TMEM87B: variants seen among roughly 807,000 people sequenced by gnomAD.
TMEM87B encodes transmembrane protein 87B.
In TMEM87B, 83 loss-of-function variants were observed where a neutral mutation model predicts 80.3. The ratio of observed to expected loss-of-function variants is 1.03; its 90% confidence interval spans 0.87 to 1.24. The LOEUF (loss-of-function observed/expected upper bound fraction) is 1.24. Among genes scored for constraint, TMEM87B ranks in the 50% most tolerant of loss-of-function variants. The pLI is 0.00. For synonymous variants in TMEM87B, 219 were observed against 230.5 expected (o/e 0.95, Z 0.45); for missense variants, 625 against 674.4 (o/e 0.93, Z 0.81).
chr2:112,085,013 A>C (rs1335158090), intron 8 of TMEM87B, among the ~76,000 whole-genome samples: 1 of 152,278 alleles, frequency 6.6e-6, no homozygotes. Flanking sequence ...ACATGCAAAC[A>C]AATGAGCATT....
intron 4 of TMEM87B, 73 bp from the exon 5 acceptor site, chr2:112,074,839 C>T (rs1362092121): frequency 6.4e-6 from 9 of 1,405,596 alleles, no homozygotes; most frequent in East Asian, 5.6e-5. Context: ...AACTTTTTTT[C>T]TTAATTATTA....
intron 9 of TMEM87B, among the ~76,000 whole-genome samples, chr2:112,087,811 T>C (rs1679191735): frequency 6.6e-6 from 1 of 152,176 alleles, no homozygotes; most frequent in Non-Finnish European, 1.5e-5. Flanking sequence ...CTCCCCAGTA[T>C]TGCTCTATTG....
chr2:112,111,403 A>G (rs1679912680), intron 17 of TMEM87B, among the ~76,000 whole-genome samples: 1 of 152,110 alleles, frequency 6.6e-6, no homozygotes, highest in African/African-American at 2.4e-5. Flanking sequence ...ATTCTCTACT[A>G]TTTTTTTCTG....
At chr2:112,074,846 A>T in intron 4 of TMEM87B, 66 bp from the exon 5 acceptor site, 1 of 1,440,268 alleles carries the variant, frequency 6.9e-7, no homozygotes, top group Non-Finnish European at 9.2e-7. Context: ...TTTCTTAATT[A>T]TTAAAACAAT....
Position 112,064,159 on chromosome 2 carries a change from C to G in TMEM87B, c.227-3C>G. On this transcript the variant is annotated splice_polypyrimidine_tract_variant and splice_region_variant and intron_variant, in intron 2 of 18. Transcript: ENST00000283206. ...TAAAACAAGACTTTCTTTTTCTAAA[C>G]AGTTAAGTCATTCCATTGTTCTGGG... The G allele has an allele frequency of 1.2e-6, 2 of 1,612,250 alleles. No homozygotes were observed. Among genetic ancestry groups the G allele is most frequent in the Non-Finnish European group, 1.7e-6 (2 of 1,179,006 alleles).
chr2:112,065,540 G>A (rs1193124787), intron 3 of TMEM87B, among the ~76,000 whole-genome samples: 2 of 151,672 alleles, frequency 1.3e-5, no homozygotes, highest in African/African-American at 4.9e-5. Context: ...AGCTGTTCGG[G>A]AGGTTTAGGC....
At chr2:112,102,874 TCTC>T (rs1393633753) in intron 15 of TMEM87B, among the ~76,000 whole-genome samples, 1 of 152,176 alleles carries the variant, frequency 6.6e-6, no homozygotes, top group African/African-American at 2.4e-5. Context: ...AACACTTTCT[TCTC>T]AAGATTAGGG....
chr2:112,071,001 T>G (rs998795417), intron 4 of TMEM87B, among the ~76,000 whole-genome samples: 10 of 151,444 alleles, frequency 6.6e-5, no homozygotes, highest in African/African-American at 2.4e-4. Context: ...TTTTGTATTT[T>G]TTTTTAGTAG....
chr2:112,093,786 T>C (rs1168637949), intron 11 of TMEM87B, among the ~76,000 whole-genome samples: 1 of 152,102 alleles, frequency 6.6e-6, no homozygotes, highest in Non-Finnish European at 1.5e-5. Flanking sequence ...TAAGAGAGAG[T>C]ACTCACCACA....
chr2:112,074,956 A>G lies in TMEM87B; in HGVS notation c.495A>G (p.Arg165=), dbSNP rs1678763855. ...TCAGAAATGTTTCAAACCAGGAAAG[A>G]TCAATGGTAAGCAGTTTGATTTGTC... ...INIRNVSNQE[R]SMDVVARTQK... is the part of the protein sequence containing the mutation. The change falls in exon 5 of 19, where the codon AGA becomes AGG. Residue 165 remains arginine (R), a synonymous_variant. Coordinates refer to ENST00000283206, the MANE Select transcript of TMEM87B (RefSeq NM_032824.3). 1 of 1,564,742 alleles carries G rather than the reference A, an allele frequency of 6.4e-7. No individual in the cohort carries two copies. Among genetic ancestry groups the G allele is most frequent in the South Asian group, 1.1e-5 (1 of 87,460 alleles).
chr2:112,093,861 G>A (rs1262124666), intron 11 of TMEM87B, among the ~76,000 whole-genome samples: 2 of 152,176 alleles, frequency 1.3e-5, no homozygotes, highest in Non-Finnish European at 1.5e-5. Context: ...TGGGCAGGAG[G>A]TATAAACATA....
At chr2:112,104,029 C>T (rs962922164) in intron 15 of TMEM87B, among the ~76,000 whole-genome samples, 2 of 152,184 alleles carry the variant, frequency 1.3e-5, no homozygotes, top group Non-Finnish European at 2.9e-5. Flanking sequence ...ACTGGAACAA[C>T]TGGATAAATG....
Position 112,097,239 on chromosome 2 carries a change from T to C in TMEM87B, c.1220T>C (p.Ile407Thr), listed in dbSNP as rs139530431. The change falls in exon 13 of 19, where the codon ATA becomes ACA. Residue 407 changes from isoleucine to threonine, a missense_variant. Ile to Thr is a moderately conservative substitution (Grantham distance 89). Transcript: ENST00000283206. ...GACTTTTTGTGTGTTTCAGCTTCTATAGTGTTTATGGGGTGGACAACTAAG... is the reference window on the plus strand; with the variant it reads ...GACTTTTTGTGTGTTTCAGCTTCTACAGTGTTTATGGGGTGGACAACTAAG... ...NTLIFAVLAS[I>T]VFMGWTTKTF... 2.3e-4 allele frequency: 367 copies of C among 1,609,446 alleles called. No individual in the cohort carries two copies. The highest frequency in any genetic ancestry group is 3.0e-4 in the Non-Finnish European group (353 of 1,178,894).
At chr2:112,106,633 A>C (rs966654403) in intron 16 of TMEM87B, among the ~76,000 whole-genome samples, 6 of 152,200 alleles carry the variant, frequency 3.9e-5, no homozygotes, top group African/African-American at 1.4e-4. Context: ...AGATGAGCTA[A>C]AAAATATTTT....
At chr2:112,085,357 C>G (rs1435339588) in intron 8 of TMEM87B, among the ~76,000 whole-genome samples, 1 of 152,160 alleles carries the variant, frequency 6.6e-6, no homozygotes, top group East Asian at 1.9e-4. Context: ...CATCCCCCAC[C>G]CCCAAATACT....
At chr2:112,110,213 T>G (rs765904363) in intron 17 of TMEM87B, among the ~76,000 whole-genome samples, 4 of 152,266 alleles carry the variant, frequency 2.6e-5, no homozygotes, top group African/African-American at 4.8e-5. Context: ...TTTCATTTTC[T>G]ATGTTGTTTT....
chr2:112,075,063 G>T, intron 5 of TMEM87B, 101 bp downstream of exon 5: 1 of 1,444,746 alleles, frequency 6.9e-7, no homozygotes, highest in Middle Eastern at 1.9e-4. Flanking sequence ...TATAAAGTAG[G>T]GTTATTAGAA....
At position 112,115,568 on chromosome 2, in the gene TMEM87B, A is replaced by G. The variant is rs150428174; in HGVS notation, c.1609-516A>G. On this transcript the variant is annotated intron_variant, in intron 18 of 18. Transcript: ENST00000283206. Reference sequence around the variant, plus strand: ...TTATGCTACATCTTTCTGTATTTAAAGTTTTAGTAAATAATTCATTTGTAA... The same window carrying G: ...TTATGCTACATCTTTCTGTATTTAAGGTTTTAGTAAATAATTCATTTGTAA... Among the ~76,000 whole-genome samples the G allele has an allele frequency of 5.2e-3, 787 of 152,350 alleles. 5 individuals carry two copies. The highest frequency in any genetic ancestry group is 8.5e-3 in the Non-Finnish European group (581 of 68,022).
intron 18 of TMEM87B, 141 bp downstream of exon 18, chr2:112,113,070 G>C: frequency 1.3e-6 from 1 of 753,820 alleles, no homozygotes; most frequent in South Asian, 2.0e-5. Flanking sequence ...TGATTTGTGG[G>C]TAAAGTTGAA....
Sources: gnomAD v4.1 joint callset for allele counts (sites outside exome capture counted in the v4.1 genomes callset) on GRCh38, gnomAD v4.1.1 for gene constraint, MANE v1.5 for transcripts, NCBI Gene and HGNC (gene_info 2026-07-23, HGNC 2026-07-21) for gene names.